KSR2: variants seen among roughly 807,000 people sequenced by gnomAD.
The protein encoded by KSR2 is kinase suppressor of ras 2.
Under a neutral mutation model 107.8 loss-of-function variants are expected in KSR2, and 25 were observed. The ratio of observed to expected loss-of-function variants is 0.23; its 90% confidence interval spans 0.17 to 0.32. The LOEUF is 0.32. Ranked by LOEUF, KSR2 falls within the 10% of genes least tolerant of loss-of-function variation. KSR2 has a pLI of 1.00. For synonymous variants in KSR2, 480 were observed against 507.0 expected, an observed-to-expected ratio of 0.95 and a Z score of 0.71; for missense variants, 887 against 1,268.9, an observed-to-expected ratio of 0.70 and a Z score of 4.57.
intron 7 of KSR2, among the ~76,000 whole-genome samples, chr12:117,573,352 G>GT (rs1389338202): frequency 6.6e-6 from 1 of 151,978 alleles, no homozygotes; most frequent in African/African-American, 2.4e-5. Context: ...TACCTTACCT[G>GT]TTTTTTGTTG....
chr12:117,704,009 C>G (rs1024188350), intron 4 of KSR2, among the ~76,000 whole-genome samples: 1 of 152,162 alleles, frequency 6.6e-6, no homozygotes, highest in Non-Finnish European at 1.5e-5. Flanking sequence ...AAGAGCTTAG[C>G]CTTATTTTCA....
At chr12:117,527,314 C>G (rs77601255) in intron 12 of KSR2, among the ~76,000 whole-genome samples, 195 bp from the exon 13 acceptor site, 188 of 137,840 alleles carry the variant, frequency 1.4e-3, no homozygotes, top group South Asian at 4.0e-3. Context: ...CACACACACA[C>G]ACACACACAC....
At chr12:117,946,156 TAGTA>T (rs1305345515) in intron 1 of KSR2, among the ~76,000 whole-genome samples, 1 of 152,124 alleles carries the variant, frequency 6.6e-6, no homozygotes, top group African/African-American at 2.4e-5. Context: ...TCTTAACTAT[TAGTA>T]AGTATCTGCC....
intron 4 of KSR2, among the ~76,000 whole-genome samples, chr12:117,755,824 T>C (rs942441891): frequency 6.6e-6 from 1 of 151,466 alleles, no homozygotes; most frequent in Non-Finnish European, 1.5e-5. Flanking sequence ...AAAAGTTCTT[T>C]TTCTTAAGGA....
At chr12:117,475,579 C>A (rs1871729254) in intron 17 of KSR2, among the ~76,000 whole-genome samples, 1 of 152,160 alleles carries the variant, frequency 6.6e-6, no homozygotes, top group Non-Finnish European at 1.5e-5. Context: ...TTCCCACAGT[C>A]CTGTGTTTAT....
Position 117,471,040 on chromosome 12 carries a change from T to G in KSR2, c.2712+151A>C, listed in dbSNP as rs1592903216. The G allele has an allele frequency of 1.4e-5, 13 of 921,144 alleles. No homozygotes were observed. The East Asian group carries it at 3.9e-4, about 27-fold the overall frequency. 57.1% of individuals were successfully genotyped at this position (921,144 alleles called of 1,614,324 possible). A position where few individuals can be genotyped will look rare whatever the true frequency, so the allele number is the denominator to read the frequency against. On this transcript the variant is annotated intron_variant, in intron 18 of 19. Transcript: ENST00000339824. Reference sequence around the variant, plus strand: ...GTGCAGCAGCCTTGCCTTTTAAGCTTCAAACTGCCATCTGACAAGGTTGGA... The same window carrying G: ...GTGCAGCAGCCTTGCCTTTTAAGCTGCAAACTGCCATCTGACAAGGTTGGA...
chr12:117,968,951 G>T lies in KSR2; in HGVS notation c.-696C>A. 1 of 200,962 alleles carries T rather than the reference G, an allele frequency of 5.0e-6. No homozygotes were observed. The highest frequency in any genetic ancestry group is 1.0e-5 in the Non-Finnish European group (1 of 96,690). 12.4% of individuals were successfully genotyped at this position (200,962 alleles called of 1,614,324 possible). A position where few individuals can be genotyped will look rare whatever the true frequency, so the allele number is the denominator to read the frequency against. ...TCCGGGGGTGACGGTTGCTGCAATC[G>T]CTCCTGCCTCGCTCCACACCGACAT... On this transcript the variant is annotated 5_prime_UTR_variant, in exon 1 of 20. Coordinates refer to ENST00000339824, the MANE Select transcript of KSR2 (RefSeq NM_173598.6).
intron 19 of KSR2, among the ~76,000 whole-genome samples, chr12:117,467,520 G>T (rs1024077516): frequency 6.6e-6 from 1 of 152,222 alleles, no homozygotes; most frequent in South Asian, 2.1e-4. Flanking sequence ...CTGAGGCTTC[G>T]GGAGGTTAAG....
At chr12:117,715,925 G>A (rs997801338) in intron 4 of KSR2, among the ~76,000 whole-genome samples, 2 of 152,132 alleles carry the variant, frequency 1.3e-5, no homozygotes, top group African/African-American at 4.8e-5. Context: ...ATGCTTTCCT[G>A]CCTCAGGGCC....
chr12:117,616,300 A>AC (rs1350656297), intron 5 of KSR2, among the ~76,000 whole-genome samples: 1 of 152,216 alleles, frequency 6.6e-6, no homozygotes, highest in Non-Finnish European at 1.5e-5. Context: ...AGCAAAAGTC[A>AC]CTATAAGTAG....
chr12:117,787,999 A>G (rs1034262665), intron 3 of KSR2, among the ~76,000 whole-genome samples: 2 of 152,234 alleles, frequency 1.3e-5, no homozygotes, highest in Admixed American at 6.5e-5. Context: ...CTAGCTAAAA[A>G]AGTCAGACCA....
At chr12:117,631,526 A>C (rs1667542065) in intron 5 of KSR2, among the ~76,000 whole-genome samples, 1 of 152,130 alleles carries the variant, frequency 6.6e-6, no homozygotes, top group African/African-American at 2.4e-5. Context: ...TTATTTCTCC[A>C]TCAGAGAAAC....
intron 3 of KSR2, among the ~76,000 whole-genome samples, chr12:117,782,201 C>T (rs770405556): frequency 6.6e-6 from 1 of 152,202 alleles, no homozygotes; most frequent in African/African-American, 2.4e-5. Context: ...AACTCCCCTC[C>T]TGTATCTAGA....
chr12:117,930,092 T>C (rs1396277011), intron 1 of KSR2, among the ~76,000 whole-genome samples: 1 of 152,042 alleles, frequency 6.6e-6, no homozygotes, highest in Non-Finnish European at 1.5e-5. Flanking sequence ...TCACCCAGGC[T>C]GGAGGGCCTC....
At chr12:117,735,602 A>G (rs1451841820) in intron 4 of KSR2, among the ~76,000 whole-genome samples, 3 of 152,292 alleles carry the variant, frequency 2.0e-5, no homozygotes, top group South Asian at 4.1e-4. Context: ...CATGCATTTA[A>G]GATACCAGTG....
rs145647751 is a variant in KSR2, at chr12:117,478,661, G to C, written c.2451-2066C>G. Among the ~76,000 whole-genome samples, 494 of 151,864 alleles carry C rather than the reference G, an allele frequency of 3.3e-3. 1 individual carries two copies. The highest frequency in any genetic ancestry group is 0.012 in the African/African-American group (476 of 41,390). On this transcript the variant is annotated intron_variant, in intron 16 of 19. Coordinates refer to ENST00000339824, the MANE Select transcript of KSR2 (RefSeq NM_173598.6). ...CTATGTGATCTTGCTATGTTGCCCAGGCTGGTCTGAAACTCCTGGCCTCAA... is the reference window on the plus strand; with the variant it reads ...CTATGTGATCTTGCTATGTTGCCCACGCTGGTCTGAAACTCCTGGCCTCAA...
intron 5 of KSR2, among the ~76,000 whole-genome samples, chr12:117,633,410 C>G (rs1882900392): frequency 6.6e-6 from 1 of 152,180 alleles, no homozygotes; most frequent in African/African-American, 2.4e-5. Context: ...CCAAGGGCTC[C>G]TGGGTCAGGG....
rs1418712210 is a variant in KSR2, at chr12:117,506,947, C to T, written c.2219+17905G>A. ...GGATCTTTTGGGGTTGAGGGTGGAG[C>T]CCAGGCATTACTTAGAATTCAAAAC... On this transcript the variant is annotated intron_variant, in intron 14 of 19. Coordinates refer to ENST00000339824, the MANE Select transcript of KSR2 (RefSeq NM_173598.6). 2.0e-5 allele frequency among the ~76,000 whole-genome samples: 3 copies of T among 152,044 alleles called. No individual in the cohort carries two copies. The South Asian group carries it at 6.2e-4, about 32-fold the overall frequency.
chr12:117,680,958 G>A (rs1012583254), intron 4 of KSR2, among the ~76,000 whole-genome samples: 6 of 152,100 alleles, frequency 3.9e-5, no homozygotes, highest in Non-Finnish European at 1.5e-5. Flanking sequence ...AGATAGCAAC[G>A]AGGAAATGCT....
Sources: allele counts gnomAD v4.1 joint callset (sites outside exome capture counted in the v4.1 genomes callset), GRCh38; gene constraint gnomAD v4.1.1; transcripts MANE v1.5; gene names NCBI Gene and HGNC (gene_info 2026-07-23, HGNC 2026-07-21).